Variants in SNX21 observed in about 807,000 individuals in gnomAD.
SNX21 encodes the protein sorting nexin family member 21.
Under a neutral mutation model 30.9 loss-of-function variants are expected in SNX21, and 36 were observed. The ratio of observed to expected loss-of-function variants is 1.16; its 90% confidence interval spans 0.89 to 1.54. The LOEUF (loss-of-function observed/expected upper bound fraction) is 1.54. SNX21 is among the 40% of genes most tolerant of loss of function. The pLI is 0.00. For missense variants in SNX21, 508 were observed against 516.5 expected (o/e 0.98, Z 0.16); for synonymous variants, 218 against 222.7 (o/e 0.98, Z 0.19).
chr20:45,841,512 TG>T lies in SNX21; in HGVS notation c.*200del, dbSNP rs1984121735. On this transcript the variant is annotated 3_prime_UTR_variant, in exon 4 of 4. Coordinates refer to ENST00000491381, the MANE Select transcript of SNX21 (RefSeq NM_033421.4). Reference sequence around the variant, plus strand: ...TGAGCTTTGGCTGGGGTTGCCCTTGTGTAGTACAGGGAAGTCTGACACAGCC... The same window carrying T: ...TGAGCTTTGGCTGGGGTTGCCCTTGTTAGTACAGGGAAGTCTGACACAGCC... 7.2e-7 allele frequency: 1 copy of T among 1,393,494 alleles called. No homozygotes were observed. 86.3% of individuals were successfully genotyped at this position (1,393,494 alleles called of 1,614,324 possible).
Position 45,834,310 on chromosome 20 carries a change from A to C in SNX21, c.131A>C (p.Glu44Ala), listed in dbSNP as rs1471658917. The change falls in exon 2 of 4, where the codon GAG becomes GCG. Residue 44 changes from glutamate to alanine, a missense_variant. By Grantham distance (107) the Glu-to-Ala change is moderately radical. Transcript: ENST00000491381. ...GCCGAGCAGTTTCCGGAGAGCTCAGAGCTGGAGGACGACGACGCCGAGGGC... is the reference window on the plus strand; with the variant it reads ...GCCGAGCAGTTTCCGGAGAGCTCAGCGCTGGAGGACGACGACGCCGAGGGC... ...PEAEQFPESS[E>A]LEDDDAEGLS... is the part of the protein sequence containing the mutation. 6.3e-7 allele frequency: 1 copy of C among 1,597,390 alleles called. No individual in the cohort carries two copies. Among genetic ancestry groups the C allele is most frequent in the South Asian group, 1.1e-5 (1 of 89,692 alleles).
chr20:45,840,927 C>A lies in SNX21; in HGVS notation c.736C>A (p.Arg246=). The A allele has an allele frequency of 6.2e-7, 1 of 1,611,774 alleles. No homozygotes were observed. The highest frequency in any genetic ancestry group is 8.5e-7 in the Non-Finnish European group (1 of 1,179,282). ...QDFFVLPELR[R]AQSLTCTGLY... ...CTTCTTCGTGCTGCCGGAGCTGCGG[C>A]GGGCACAGAGCCTCACCTGTACTGG... Residue 246 remains arginine, a synonymous_variant, in exon 4 of 4, where the codon CGG becomes AGG. Transcript: ENST00000491381.
In SNX21 at chr20:45,843,114, G is replaced by A. The variant is rs890655991; in HGVS notation, c.*1801G>A. 2.5e-5 allele frequency: 26 copies of A among 1,051,136 alleles called. No individual in the cohort carries two copies. The highest frequency in any genetic ancestry group is 2.9e-5 in the Non-Finnish European group (24 of 818,830). 65.1% of individuals were successfully genotyped at this position (1,051,136 alleles called of 1,614,324 possible). ...CCTACTGAGTGAGAATCTTGAGGGT[G>A]GAATCAGAATCTATTTTGAAAAGGC... On this transcript the variant is annotated 3_prime_UTR_variant, in exon 4 of 4. Coordinates refer to ENST00000491381, the MANE Select transcript of SNX21 (RefSeq NM_033421.4).
Position 45,834,247 on chromosome 20 carries a change from C to A in SNX21, c.68C>A (p.Ala23Asp). 1 of 1,571,396 alleles carries A rather than the reference C, an allele frequency of 6.4e-7. No homozygotes were observed. The highest frequency in any genetic ancestry group is 8.6e-7 in the Non-Finnish European group (1 of 1,166,052). ...CTGCACCGGCTGCGGCACGCCTTGG[C>A]CGGCGACGGCCCCGGGGAGGCGGCG... ...RLLHRLRHALAGDGPGEAAAS... is the reference protein window; with the variant it reads ...RLLHRLRHALDGDGPGEAAAS... The change falls in exon 2 of 4, where the codon GCC becomes GAC. Residue 23 changes from alanine (A) to aspartate (D), a missense_variant. By Grantham distance (126) the Ala-to-Asp change is moderately radical (BLOSUM62 -2). Coordinates refer to ENST00000491381, the MANE Select transcript of SNX21 (RefSeq NM_033421.4).
chr20:45,835,427 C>G (rs560699496), intron 3 of SNX21, among the ~76,000 whole-genome samples: 2 of 152,282 alleles, frequency 1.3e-5, no homozygotes, highest in East Asian at 1.9e-4. Context: ...ATGTGAGATA[C>G]AGAGAGACAG....
intron 3 of SNX21, among the ~76,000 whole-genome samples, chr20:45,835,368 G>C (rs1049867097): frequency 6.6e-6 from 1 of 152,210 alleles, no homozygotes; most frequent in Non-Finnish European, 1.5e-5. Context: ...GAGAACTGGT[G>C]TGTGCACTTC....
intron 3 of SNX21, among the ~76,000 whole-genome samples, chr20:45,839,749 A>T (rs6104368): frequency 0.47 from 69,323 of 148,690 alleles, 16,664 homozygotes; most frequent in Non-Finnish European, 0.55. Context: ...AAAAAAAAAA[A>T]ATTTTTTTAA....
chr20:45,834,636 C>A, intron 2 of SNX21, 168 bp downstream of exon 2: 1 of 914,606 alleles, frequency 1.1e-6, no homozygotes, highest in Non-Finnish European at 1.6e-6. Flanking sequence ...GTCTTAACCC[C>A]CCTCTGAGCC....
rs531779681 is a variant in SNX21 at position 45,843,167 on chromosome 20, C to T, written c.*1854C>T. 2.9e-4 allele frequency: 172 copies of T among 594,248 alleles called. No homozygotes were observed. The highest frequency in any genetic ancestry group is 4.1e-4 in the Non-Finnish European group (163 of 395,992). 36.8% of individuals were successfully genotyped at this position (594,248 alleles called of 1,614,324 possible). A position where few individuals can be genotyped will look rare whatever the true frequency, so the allele number is the denominator to read the frequency against. On this transcript the variant is annotated 3_prime_UTR_variant, in exon 4 of 4. Coordinates refer to ENST00000491381, the MANE Select transcript of SNX21 (RefSeq NM_033421.4). Reference sequence around the variant, plus strand: ...CCCCAAATGGCAGTCTGATGGACTGCGGGTTTGGATACCACTGCTGTAATG... The same window carrying T: ...CCCCAAATGGCAGTCTGATGGACTGTGGGTTTGGATACCACTGCTGTAATG...
intron 2 of SNX21, 142 bp from the exon 3 acceptor site, chr20:45,834,817 G>T (rs550421781): frequency 1.8e-6 from 2 of 1,130,860 alleles, no homozygotes; most frequent in South Asian, 3.0e-5. Context: ...TGGCTCCTCG[G>T]TGCCTCTCTG....
At chr20:45,834,651 T>A in intron 2 of SNX21, 183 bp downstream of exon 2, 1 of 823,798 alleles carries the variant, frequency 1.2e-6, no homozygotes, top group Non-Finnish European at 1.8e-6. Flanking sequence ...TGAGCCAAGT[T>A]TTCCCTTGTG....
intron 3 of SNX21, among the ~76,000 whole-genome samples, chr20:45,835,651 C>T (rs922833398): frequency 2.0e-5 from 3 of 152,164 alleles, no homozygotes; most frequent in African/African-American, 7.2e-5. Flanking sequence ...GGACAAAAAG[C>T]CCTTAGCAGT....
At chr20:45,834,096 C>T in intron 1 of SNX21, 105 bp from the exon 2 acceptor site, 10 of 1,399,954 alleles carry the variant, frequency 7.1e-6, no homozygotes, top group Non-Finnish European at 9.3e-6. Flanking sequence ...GGGGCCTCAC[C>T]GCGCCCCTCC....
rs897018269 is a variant in SNX21, at chr20:45,840,889, C to T, written c.698C>T (p.Pro233Leu). 16 of 1,613,324 alleles carry T rather than the reference C, an allele frequency of 9.9e-6. No homozygotes were observed. The highest frequency in any genetic ancestry group is 3.3e-5 in the South Asian group (3 of 91,088). Residue 233 changes from proline to leucine, a missense_variant, in exon 4 of 4, where the codon CCG becomes CTG. Transcript: ENST00000491381. ...GCAGTGCCTGAGCTGCGCCATGCCC[C>T]GGACCTGCAGGACTTCTTCGTGCTG... ...LQAVPELRHA[P>L]DLQDFFVLPE...
In SNX21 at chr20:45,834,372, A is replaced by C; in HGVS notation, c.193A>C (p.Ser65Arg). ...SRLSGTLSFT[S>R]AEDDEDDEDE... ...ACTCAGCGGCACCCTCAGCTTCACCAGCGCCGAGGACGACGAGGACGACGA... is the reference window on the plus strand; with the variant it reads ...ACTCAGCGGCACCCTCAGCTTCACCCGCGCCGAGGACGACGAGGACGACGA... Residue 65 changes from serine (S) to arginine (R), a missense_variant, in exon 2 of 4, where the codon AGC (serine) becomes CGC (arginine). Physicochemically the swap from Ser to Arg is moderately radical, Grantham distance 110. Transcript: ENST00000491381. The C allele has an allele frequency of 6.2e-7, 1 of 1,603,442 alleles. No individual in the cohort carries two copies. Among genetic ancestry groups the C allele is most frequent in the South Asian group, 1.1e-5 (1 of 89,948 alleles).
rs867652611 is a variant in SNX21 at position 45,834,268 on chromosome 20, C to T, written c.89C>T (p.Ala30Val). The change falls in exon 2 of 4, where the codon GCG becomes GTG. Residue 30 changes from alanine (A) to valine (V), a missense_variant. Physicochemically the swap from Ala to Val is moderately conservative, Grantham distance 64 (BLOSUM62 0). Transcript: ENST00000491381. ...HALAGDGPGE[A>V]AASPEAEQFP... ...TTGGCCGGCGACGGCCCCGGGGAGG[C>T]GGCGGCCAGTCCAGAGGCCGAGCAG... is the stretch of plus-strand genomic sequence containing the variant. 3.2e-6 allele frequency: 5 copies of T among 1,583,558 alleles called. No individual in the cohort carries two copies. Among genetic ancestry groups the T allele is most frequent in the Non-Finnish European group, 2.6e-6 (3 of 1,171,490 alleles).
rs73308458 is a variant in SNX21 at position 45,834,697 on chromosome 20, T to A, written c.289+229T>A. 2,386 of 669,876 alleles carry A rather than the reference T, an allele frequency of 3.6e-3. 29 individuals carry two copies. In the African/African-American group the frequency reaches 0.037, roughly 10 times the overall value. 41.5% of individuals were successfully genotyped at this position (669,876 alleles called of 1,614,324 possible). A position where few individuals can be genotyped will look rare whatever the true frequency, so the allele number is the denominator to read the frequency against. Reference sequence around the variant, plus strand: ...GAACTCACTCTCATCTCAGAATTGCTGCAGGCATTAAATGTACAGGGCTTG... The same window carrying A: ...GAACTCACTCTCATCTCAGAATTGCAGCAGGCATTAAATGTACAGGGCTTG... On this transcript the variant is annotated intron_variant, in intron 2 of 3. Coordinates refer to ENST00000491381, the MANE Select transcript of SNX21 (RefSeq NM_033421.4).
chr20:45,839,470 C>T (rs1291753876), intron 3 of SNX21, among the ~76,000 whole-genome samples: 2 of 151,632 alleles, frequency 1.3e-5, no homozygotes, highest in Non-Finnish European at 2.9e-5. Context: ...GAGCCGAGAT[C>T]GTGCCACTGT....
At position 45,833,918 on chromosome 20, in the gene SNX21, G is replaced by A; in HGVS notation, c.-2G>A. 1 of 1,423,386 alleles carries A rather than the reference G, an allele frequency of 7.0e-7. No individual in the cohort carries two copies. Among genetic ancestry groups the A allele is most frequent in the East Asian group, 2.9e-5 (1 of 34,584 alleles). 88.2% of individuals were successfully genotyped at this position (1,423,386 alleles called of 1,614,324 possible). On this transcript the variant is annotated 5_prime_UTR_variant, in exon 1 of 4. An upstream open reading frame in the 5' UTR loses its in-frame stop. Transcript: ENST00000491381. ...GACCCCTGGGGCGCGGCGCGCCCCT[G>A]AATGCACCGTGGGACGCAGGAGGTA... is the stretch of plus-strand genomic sequence containing the variant.
Sources: allele counts gnomAD v4.1 joint callset (sites outside exome capture counted in the v4.1 genomes callset), GRCh38; gene constraint gnomAD v4.1.1; transcripts MANE v1.5; gene names NCBI Gene and HGNC (gene_info 2026-07-23, HGNC 2026-07-21).